Variants in TMEM132B observed in about 807,000 individuals in gnomAD.
TMEM132B encodes transmembrane protein 132B.
Under a neutral mutation model 90.8 loss-of-function variants are expected in TMEM132B, and 18 were observed. The ratio of observed to expected loss-of-function variants is 0.20; its 90% CI spans 0.14 to 0.29. The LOEUF (loss-of-function observed/expected upper bound fraction) is 0.29. Ranked by LOEUF, TMEM132B falls within the 10% of genes least tolerant of loss-of-function variation. TMEM132B has a pLI of 1.00. For synonymous variants in TMEM132B, 504 were observed against 523.3 expected (o/e 0.96, Z 0.50); for missense variants, 1,096 against 1,326.8 (o/e 0.83, Z 2.70).
chr12:125,232,601 C>T (rs1218603613), intron 1 of TMEM132B, among the ~76,000 whole-genome samples: 2 of 152,164 alleles, frequency 1.3e-5, no homozygotes, highest in Admixed American at 1.3e-4. Flanking sequence ...ATAGAATTGA[C>T]ACCTGCTTGC....
chr12:125,524,240 C>G lies in TMEM132B; in HGVS notation c.1293+4615C>G, dbSNP rs58268737. ...AAAAATATGAACATGCTTAAACTATCAAAGCAAATATAAAAGTCATGTATG... is the reference window on the plus strand; with the variant it reads ...AAAAATATGAACATGCTTAAACTATGAAAGCAAATATAAAAGTCATGTATG... On this transcript the variant is annotated intron_variant, in intron 4 of 8. Coordinates refer to ENST00000682704, the MANE Select transcript of TMEM132B (RefSeq NM_001366854.1). 7.4e-3 allele frequency among the ~76,000 whole-genome samples: 1,120 copies of G among 152,310 alleles called. 12 individuals carry two copies. The highest frequency in any genetic ancestry group is 0.026 in the African/African-American group (1,062 of 41,558).
At chr12:125,649,143 G>T (rs775317551) in intron 6 of TMEM132B, among the ~76,000 whole-genome samples, 2 of 152,138 alleles carry the variant, frequency 1.3e-5, no homozygotes, top group Non-Finnish European at 2.9e-5. Flanking sequence ...AACCAAAATT[G>T]TTATGCTATT....
chr12:125,414,326 C>T (rs1879945205), intron 2 of TMEM132B, among the ~76,000 whole-genome samples: 2 of 151,816 alleles, frequency 1.3e-5, no homozygotes, highest in South Asian at 4.2e-4. Flanking sequence ...TAAATAGTGT[C>T]CTAGACCTGC....
At chr12:125,288,399 G>A (rs1256987913) in intron 1 of TMEM132B, among the ~76,000 whole-genome samples, 2 of 144,836 alleles carry the variant, frequency 1.4e-5, no homozygotes, top group Non-Finnish European at 3.0e-5. Flanking sequence ...CGAGGCAGAG[G>A]TTGCAGTGAG....
intron 3 of TMEM132B, among the ~76,000 whole-genome samples, chr12:125,508,809 C>T (rs1882907508): frequency 6.8e-6 from 1 of 146,220 alleles, no homozygotes; most frequent in Non-Finnish European, 1.5e-5. Flanking sequence ...GACAGAGTCT[C>T]ACTCTGTCGC....
intron 1 of TMEM132B, among the ~76,000 whole-genome samples, chr12:125,270,987 A>G (rs112590905): frequency 6.7e-6 from 1 of 148,898 alleles, no homozygotes; most frequent in South Asian, 2.2e-4. Context: ...GCCTTGCTTT[A>G]TCACCCAGGC....
At position 125,498,010 on chromosome 12, in the gene TMEM132B, T is replaced by G. The variant is rs931102267; in HGVS notation, c.1107-21429T>G. ...TAGACAAAGCAACCACCATCCTGAC[T>G]GTCATCCTTCACCACGCCAAAGGGG... On this transcript the variant is annotated intron_variant, in intron 3 of 8. Transcript: ENST00000682704. This position sits in a 1 kb window ranked among gnomAD's most constrained non-coding sequence, Gnocchi z 4.5. Among the ~76,000 whole-genome samples, 1 of 152,192 alleles carries G rather than the reference T, an allele frequency of 6.6e-6. No individual in the cohort carries two copies. The highest frequency in any genetic ancestry group is 2.4e-5 in the African/African-American group (1 of 41,436).
intron 1 of TMEM132B, among the ~76,000 whole-genome samples, chr12:125,298,259 A>G (rs925962540): frequency 3.9e-5 from 6 of 151,976 alleles, no homozygotes; most frequent in Admixed American, 2.6e-4. Context: ...CCAAAACACA[A>G]CAAAACAAAA....
intron 1 of TMEM132B, among the ~76,000 whole-genome samples, chr12:125,194,270 G>T (rs569487580): frequency 1.1e-4 from 16 of 149,560 alleles, no homozygotes; most frequent in East Asian, 4.0e-4. Context: ...TAACCCGTTG[G>T]TGGGGGGGTC....
intron 5 of TMEM132B, among the ~76,000 whole-genome samples, chr12:125,625,021 A>T (rs1344108631): frequency 1.3e-5 from 2 of 148,576 alleles, no homozygotes; most frequent in Non-Finnish European, 3.0e-5. Context: ...AGTTAACATC[A>T]CTCTCACCTC....
chr12:125,649,050 A>AT (rs1351913195), intron 6 of TMEM132B, among the ~76,000 whole-genome samples: 2 of 152,190 alleles, frequency 1.3e-5, no homozygotes, highest in East Asian at 1.9e-4. Flanking sequence ...ATGTTATTCA[A>AT]TTTTTTTAAT....
rs142178568 is a variant in TMEM132B at position 125,281,375 on chromosome 12, A to T, written c.68-68077A>T. 3.2e-3 allele frequency among the ~76,000 whole-genome samples: 484 copies of T among 152,246 alleles called. 5 individuals carry two copies. The highest frequency in any genetic ancestry group is 0.029 in the Admixed American group (441 of 15,302). ...GTTGAAATGTTTCCCCACACAATTA[A>T]AATTCAGACATGGGTGGTGGCGGGA... is the stretch of plus-strand genomic sequence containing the variant. On this transcript the variant is annotated intron_variant, in intron 1 of 8. Coordinates refer to ENST00000682704, the MANE Select transcript of TMEM132B (RefSeq NM_001366854.1).
At chr12:125,646,153 T>G (rs1593043032) in intron 6 of TMEM132B, among the ~76,000 whole-genome samples, 1 of 152,098 alleles carries the variant, frequency 6.6e-6, no homozygotes, top group African/African-American at 2.4e-5. Context: ...TCTGGTTAGG[T>G]GGTGACAGAG....
chr12:125,646,679 T>C (rs1229517186), intron 6 of TMEM132B, among the ~76,000 whole-genome samples: 6 of 152,188 alleles, frequency 3.9e-5, no homozygotes, highest in African/African-American at 1.4e-4. Context: ...CATTAGAACT[T>C]AAGTGCACAA....
intron 1 of TMEM132B, among the ~76,000 whole-genome samples, chr12:125,300,170 GGCCCTTCCTCTTAGCCT>G (rs1875785287): frequency 6.6e-6 from 1 of 151,044 alleles, no homozygotes. Context: ...CCCCAGCCAC[GGCCCTTCCTCTTAGCCT>G]GCCCTTTTGT....
At chr12:125,189,217 A>G (rs967512446) in intron 1 of TMEM132B, among the ~76,000 whole-genome samples, 1 of 152,240 alleles carries the variant, frequency 6.6e-6, no homozygotes, top group African/African-American at 2.4e-5. Context: ...GAGTCAGCAC[A>G]AATCCCCCAG....
chr12:125,265,343 T>A lies in TMEM132B; in HGVS notation c.67+78477T>A, dbSNP rs147744152. 3.2e-3 allele frequency among the ~76,000 whole-genome samples: 481 copies of A among 151,996 alleles called. 1 individual carries two copies. The highest frequency in any genetic ancestry group is 0.024 in the Middle Eastern group (7 of 294). ...TATACATACATACCTATGATAAAGCTCAATTTATAAATTAGACATAGTAAG... is the reference window on the plus strand; with the variant it reads ...TATACATACATACCTATGATAAAGCACAATTTATAAATTAGACATAGTAAG... On this transcript the variant is annotated intron_variant, in intron 1 of 8. Transcript: ENST00000682704.
intron 4 of TMEM132B, among the ~76,000 whole-genome samples, chr12:125,563,677 G>A (rs914224127): frequency 6.6e-6 from 1 of 152,134 alleles, no homozygotes; most frequent in African/African-American, 2.4e-5. Flanking sequence ...TTTGAAAAGT[G>A]AATAAGAATC....
At position 125,350,050 on chromosome 12, in the gene TMEM132B, C is replaced by T. The variant is rs1047932837; in HGVS notation, c.666C>T (p.Leu222=). Residue 222 remains leucine, a synonymous_variant, in exon 2 of 9, where the codon CTC becomes CTT. Coordinates refer to ENST00000682704, the MANE Select transcript of TMEM132B (RefSeq NM_001366854.1). ...PALLGGTTME[L]FFTLYPADKA... ...TGCTCGGGGGCACCACGATGGAGCT[C>T]TTCTTCACGCTCTACCCAGCTGACA... 4 of 1,614,238 alleles carry T rather than the reference C, an allele frequency of 2.5e-6. No homozygotes were observed. The African/African-American group carries it at 4.0e-5, about 16-fold the overall frequency.
Sources: allele counts gnomAD v4.1 joint callset (sites outside exome capture counted in the v4.1 genomes callset), GRCh38; gene constraint gnomAD v4.1.1; non-coding constraint Gnocchi (gnomAD v3.1); transcripts MANE v1.5; gene names NCBI Gene and HGNC (gene_info 2026-07-23, HGNC 2026-07-21).